The following PRKDC variants were observed in gnomAD, a reference collection of about 807,000 sequenced individuals.
The protein encoded by PRKDC is DNA-dependent protein kinase catalytic subunit.
In PRKDC, 82 loss-of-function variants were observed where a neutral mutation model predicts 486.9. The observed-to-expected ratio is 0.17, with a 90% CI of 0.14 to 0.20. The LOEUF (loss-of-function observed/expected upper bound fraction) is 0.20, where lower values mean the gene tolerates loss of function less well. PRKDC is among the 10% of genes least tolerant of loss of function. The pLI is 1.00. For missense variants in PRKDC, 4,504 were observed against 5,038.2 expected (o/e 0.89, Z 3.21); for synonymous variants, 1,895 against 1,837.0 (o/e 1.03, Z -0.81).
chr8:47,822,763 G>A (rs969208353), intron 64 of PRKDC, among the ~76,000 whole-genome samples: 10 of 151,888 alleles, frequency 6.6e-5, no homozygotes, highest in Admixed American at 5.9e-4. Context: ...GCACTCCAGC[G>A]TGGGCGACAG....
rs1406848787 is a variant in PRKDC at position 47,933,168 on chromosome 8, G to A, written c.1628C>T (p.Ser543Phe). 6.6e-7 allele frequency: 1 copy of A among 1,505,724 alleles called. No homozygotes were observed. The highest frequency in any genetic ancestry group is 1.3e-5 in the South Asian group (1 of 75,404). The allele number at this position is 1,505,724 out of a possible 1,614,324, so 93.3% of individuals were successfully genotyped here. ...HLLSSDQMMD[S>F]ILADEAFFSV... Reference sequence around the variant, plus strand: ...GAAAAATGCTTCATCTGCTAAAATAGAATCCTTTAAATAAAGAAAAACAAT... The same window carrying A: ...GAAAAATGCTTCATCTGCTAAAATAAAATCCTTTAAATAAAGAAAAACAAT... The change falls in exon 16 of 86, where the codon TCT becomes TTT. Residue 543 changes from serine to phenylalanine, a missense_variant. Physicochemically the swap from Ser to Phe is radical, Grantham distance 155 (BLOSUM62 -2). Coordinates refer to ENST00000314191, the MANE Select transcript of PRKDC (RefSeq NM_006904.7).
Position 47,881,443 on chromosome 8 carries a change from A to T in PRKDC, c.5040T>A (p.Ala1680=). 6.4e-7 allele frequency: 1 copy of T among 1,566,982 alleles called. No individual in the cohort carries two copies. The highest frequency in any genetic ancestry group is 8.8e-7 in the Non-Finnish European group (1 of 1,139,854). ...TTAAATGTAGATCCAGCTTTGTGTC[A>T]GCAAGTAGACTAATATATGTTGTAA... ...EVFTTYISLL[A]DTKLDLHLKG... Residue 1680 remains alanine (A), a synonymous_variant, in exon 38 of 86, where the codon GCT becomes GCA. Transcript: ENST00000314191.
At chr8:47,798,439 C>T (rs1427463281) in intron 72 of PRKDC, 42 bp from the exon 73 acceptor site, 2 of 1,511,862 alleles carry the variant, frequency 1.3e-6, no homozygotes, top group Admixed American at 2.3e-5. Context: ...TCAATGTATC[C>T]CAATATCCAT....
chr8:47,912,371 T>A, intron 25 of PRKDC, 39 bp downstream of exon 25: 1 of 1,473,022 alleles, frequency 6.8e-7, no homozygotes, highest in Non-Finnish European at 9.0e-7. Context: ...AACCAAACTT[T>A]TAGAAATTTT....
At chr8:47,918,184 C>G in intron 22 of PRKDC, 93 bp downstream of exon 22, 1 of 849,912 alleles carries the variant, frequency 1.2e-6, no homozygotes, top group Non-Finnish European at 1.7e-6. Context: ...ACAAAAACAA[C>G]TAACATTTTA....
In PRKDC at chr8:47,815,095, G is replaced by A. The variant is rs532263900; in HGVS notation, c.9557+2355C>T. 2.0e-5 allele frequency among the ~76,000 whole-genome samples: 3 copies of A among 152,308 alleles called. No homozygotes were observed. The East Asian group carries it at 5.8e-4, about 29-fold the overall frequency. ...GTGGGAGGACTGCTTAAACCTGGGA[G>A]GCTGAGACTGCAATGAGCCATTATC... On this transcript the variant is annotated intron_variant, in intron 68 of 85. Coordinates refer to ENST00000314191, the MANE Select transcript of PRKDC (RefSeq NM_006904.7).
At chr8:47,830,907 C>G (rs2087853091) in intron 60 of PRKDC, among the ~76,000 whole-genome samples, 171 bp from the exon 61 acceptor site, 1 of 152,056 alleles carries the variant, frequency 6.6e-6, no homozygotes, top group African/African-American at 2.4e-5. Context: ...AACACTGCAT[C>G]CAAAATAAAA....
chr8:47,939,157 G>T (rs1354376987), intron 11 of PRKDC, among the ~76,000 whole-genome samples: 1 of 152,146 alleles, frequency 6.6e-6, no homozygotes, highest in Non-Finnish European at 1.5e-5. Context: ...CACATGTAAA[G>T]AATTCTAGTA....
intron 83 of PRKDC, 78 bp from the exon 84 acceptor site, chr8:47,777,952 C>T: frequency 1.6e-6 from 2 of 1,282,540 alleles, no homozygotes; most frequent in Non-Finnish European, 2.2e-6. Flanking sequence ...GCAGCATCCT[C>T]ACATAGTTAC....
chr8:47,848,914 T>C (rs1445112314), intron 54 of PRKDC, among the ~76,000 whole-genome samples: 1 of 152,202 alleles, frequency 6.6e-6, no homozygotes, highest in Non-Finnish European at 1.5e-5. Flanking sequence ...CCTTCATTTA[T>C]GGATGAAAAA....
In PRKDC at chr8:47,820,512, A is replaced by T. The variant is rs1293883034; in HGVS notation, c.9336+207T>A. Among the ~76,000 whole-genome samples the T allele has an allele frequency of 2.0e-5, 3 of 152,094 alleles. No homozygotes were observed. In the East Asian group the frequency reaches 5.8e-4, roughly 29 times the overall value. ...AAGATTTAAAAAGGCATTAAGATAA[A>T]GGACAGAATGAACAGCATTATTGGA... On this transcript the variant is annotated intron_variant, in intron 66 of 85. Transcript: ENST00000314191.
chr8:47,920,227 AT>A (rs2090050740), intron 21 of PRKDC, among the ~76,000 whole-genome samples: 1 of 151,900 alleles, frequency 6.6e-6, no homozygotes, highest in Non-Finnish European at 1.5e-5. Flanking sequence ...CACACTCTAT[AT>A]TTCTGTGTGT....
chr8:47,897,841 T>C (rs3824124), intron 29 of PRKDC, among the ~76,000 whole-genome samples: 3,497 of 152,168 alleles, frequency 0.023, 106 homozygotes, highest in East Asian at 0.084. Flanking sequence ...ACTGAGAAAA[T>C]ATTAATAATC....
chr8:47,885,396 G>A (rs1309668190), intron 36 of PRKDC, among the ~76,000 whole-genome samples: 1 of 151,336 alleles, frequency 6.6e-6, no homozygotes, highest in Non-Finnish European at 1.5e-5. Context: ...CTGATGATCC[G>A]CTCACCTCCA....
At chr8:47,801,792 G>A (rs1452266051) in intron 70 of PRKDC, among the ~76,000 whole-genome samples, 1 of 152,154 alleles carries the variant, frequency 6.6e-6, no homozygotes, top group Non-Finnish European at 1.5e-5. Context: ...GCAGTGTCCA[G>A]AGGTGCGATA....
intron 40 of PRKDC, among the ~76,000 whole-genome samples, chr8:47,875,646 T>C (rs2089076170): frequency 6.6e-6 from 1 of 152,246 alleles, no homozygotes; most frequent in Admixed American, 6.5e-5. Context: ...TCTGACTTCC[T>C]TTGTAATTTC....
At chr8:47,841,756 C>G (rs1025000208) in intron 54 of PRKDC, among the ~76,000 whole-genome samples, 1 of 152,236 alleles carries the variant, frequency 6.6e-6, no homozygotes, top group Non-Finnish European at 1.5e-5. Context: ...TGTTTGCCAG[C>G]TTTGCATCTG....
chr8:47,937,258 CA>C (rs1330602758), intron 11 of PRKDC, among the ~76,000 whole-genome samples: 1 of 151,972 alleles, frequency 6.6e-6, no homozygotes, highest in East Asian at 1.9e-4. Context: ...GGTTCCACCT[CA>C]AAAAATAAAT....
chr8:47,800,026 T>C lies in PRKDC; in HGVS notation c.10117-636A>G, dbSNP rs909807650. 2.6e-5 allele frequency among the ~76,000 whole-genome samples: 4 copies of C among 152,214 alleles called. 1 individual carries two copies. Among genetic ancestry groups the C allele is most frequent in the Non-Finnish European group, 5.9e-5 (4 of 68,036 alleles). ...ATGATTTTTAATATTAAAAAATTTG[T>C]GTCATTCAAATAAATAGGAAGCACG... On this transcript the variant is annotated intron_variant, in intron 71 of 85. Coordinates refer to ENST00000314191, the MANE Select transcript of PRKDC (RefSeq NM_006904.7).
Sources: allele counts gnomAD v4.1 joint callset (sites outside exome capture counted in the v4.1 genomes callset), GRCh38; gene constraint gnomAD v4.1.1; transcripts MANE v1.5; gene names NCBI Gene and HGNC (gene_info 2026-07-23, HGNC 2026-07-21).